The following CCDC102B variants were observed in gnomAD, a reference collection of about 807,000 sequenced individuals.
CCDC102B encodes the protein coiled-coil domain-containing protein 102B.
A neutral mutation model predicts 57.4 loss-of-function variants in CCDC102B; 75 were observed. That is an observed-to-expected ratio of 1.31 (90% CI 1.08 to 1.58). CCDC102B has a LOEUF of 1.58. Ranked by LOEUF, CCDC102B falls within the 40% of genes most tolerant of loss-of-function variation. The pLI, the probability that CCDC102B is intolerant of heterozygous loss-of-function variation, is 0.00. For missense variants in CCDC102B, 636 were observed against 582.6 expected (o/e 1.09, Z -0.94); for synonymous variants, 206 against 201.9 (o/e 1.02, Z -0.17).
chr18:68,871,858 C>T (rs1416064183), intron 4 of CCDC102B, among the ~76,000 whole-genome samples: 1 of 151,974 alleles, frequency 6.6e-6, no homozygotes, highest in African/African-American at 2.4e-5. Flanking sequence ...TTTTAAAAAG[C>T]TTTATTTGGT....
chr18:69,031,093 A>C (rs2052129399), intron 7 of CCDC102B, among the ~76,000 whole-genome samples: 1 of 152,244 alleles, frequency 6.6e-6, no homozygotes, highest in Non-Finnish European at 1.5e-5. Flanking sequence ...TTCATTAACA[A>C]AGAAGAGGTT....
downstream of CCDC102B, among the ~76,000 whole-genome samples, chr18:69,056,684 G>GATAGATAA (rs2052823413): frequency 7.4e-6 from 1 of 135,366 alleles, no homozygotes; most frequent in South Asian, 2.5e-4. Flanking sequence ...TAGATAGATA[G>GATAGATAA]GATAGAGATT....
chr18:68,965,449 A>T (rs2050144798), intron 6 of CCDC102B, among the ~76,000 whole-genome samples: 1 of 149,978 alleles, frequency 6.7e-6, no homozygotes, highest in South Asian at 2.1e-4. Flanking sequence ...TTTTTTTCTG[A>T]GAGTTTCTGT....
At chr18:69,048,006 T>C (rs1003954467) in intron 7 of CCDC102B, among the ~76,000 whole-genome samples, 26 of 152,126 alleles carry the variant, frequency 1.7e-4, no homozygotes, top group African/African-American at 6.3e-4. Context: ...TACTAAAATG[T>C]TTCTTAAATA....
intron 1 of CCDC102B, among the ~76,000 whole-genome samples, chr18:68,800,266 C>T (rs1599479731): frequency 6.6e-6 from 1 of 152,012 alleles, no homozygotes; most frequent in East Asian, 1.9e-4. Flanking sequence ...TGCTGGTATT[C>T]TAGGAATGTG....
intron 2 of CCDC102B, among the ~76,000 whole-genome samples, chr18:68,764,074 A>C (rs2034345623): frequency 6.6e-6 from 1 of 152,166 alleles, no homozygotes. Context: ...AGCTGGGCTT[A>C]GATTCAAAAT....
At position 69,055,129 on chromosome 18, in the gene CCDC102B, G is replaced by A; in HGVS notation, c.*992G>A. 1 of 982,140 alleles carries A rather than the reference G, an allele frequency of 1.0e-6. No individual in the cohort carries two copies. The highest frequency in any genetic ancestry group is 1.2e-6 in the Non-Finnish European group (1 of 827,464). 60.8% of individuals were successfully genotyped at this position (982,140 alleles called of 1,614,324 possible). Reference sequence around the variant, plus strand: ...TACTCATCTCCCCCTCCATTGATTAGCCAAAAAAAAATGAAATCTTACTAA... The same window carrying A: ...TACTCATCTCCCCCTCCATTGATTAACCAAAAAAAAATGAAATCTTACTAA... On this transcript the variant is annotated 3_prime_UTR_variant, in exon 8 of 8. Transcript: ENST00000360242.
intron 2 of CCDC102B, among the ~76,000 whole-genome samples, chr18:68,786,232 C>G (rs1440497543): frequency 6.6e-6 from 1 of 152,000 alleles, no homozygotes; most frequent in African/African-American, 2.4e-5. Flanking sequence ...GTTACTGTAG[C>G]CTTGTAGTAT....
At chr18:68,837,877 G>T (rs2037454372) in intron 2 of CCDC102B, among the ~76,000 whole-genome samples, 2 of 152,116 alleles carry the variant, frequency 1.3e-5, no homozygotes, top group Admixed American at 1.3e-4. Flanking sequence ...TTTATTGCTT[G>T]TCAAAATATT....
intron 7 of CCDC102B, among the ~76,000 whole-genome samples, chr18:69,037,927 C>G (rs553716376): frequency 1.3e-5 from 2 of 152,054 alleles, no homozygotes; most frequent in Admixed American, 6.6e-5. Context: ...TTGTAAAAGC[C>G]TTGATCACAC....
At chr18:68,911,007 T>G (rs1339263896) in intron 6 of CCDC102B, among the ~76,000 whole-genome samples, 1 of 151,778 alleles carries the variant, frequency 6.6e-6, no homozygotes. Flanking sequence ...TGAGTTCAAC[T>G]GTTGTGGAAA....
At chr18:68,952,280 G>T (rs1312933967) in intron 6 of CCDC102B, among the ~76,000 whole-genome samples, 1 of 151,768 alleles carries the variant, frequency 6.6e-6, no homozygotes, top group African/African-American at 2.4e-5. Context: ...TCAAAATGGG[G>T]TTATTCACAA....
chr18:68,982,356 C>T (rs2050610888), intron 6 of CCDC102B, among the ~76,000 whole-genome samples: 1 of 151,890 alleles, frequency 6.6e-6, no homozygotes, highest in African/African-American at 2.4e-5. Context: ...AACCAATAAT[C>T]ATCCCCACTC....
rs1341628138 is a variant in CCDC102B, at chr18:68,787,271, A to G, written c.-66-36095A>G. Among the ~76,000 whole-genome samples, 6 of 151,378 alleles carry G rather than the reference A, an allele frequency of 4.0e-5. No homozygotes were observed. The East Asian group carries it at 1.2e-3, about 29-fold the overall frequency. ...ATTTTTGCATCAATGTTCATCAAGG[A>G]TATTGGTCTAAAATTCTCTTTTTTG... On this transcript the variant is annotated intron_variant, in intron 2 of 3. Coordinates refer to the CCDC102B transcript ENST00000578970.
At chr18:69,045,476 A>G (rs959850945) in intron 7 of CCDC102B, among the ~76,000 whole-genome samples, 1 of 152,126 alleles carries the variant, frequency 6.6e-6, no homozygotes, top group Non-Finnish European at 1.5e-5. Flanking sequence ...TAATGCAAAA[A>G]CAGAAATACT....
chr18:68,794,170 T>G (rs764005815), upstream of CCDC102B, among the ~76,000 whole-genome samples: 1 of 152,148 alleles, frequency 6.6e-6, no homozygotes, highest in Non-Finnish European at 1.5e-5. Flanking sequence ...TGAGGTTGAT[T>G]AAAACTCAGA....
intron 6 of CCDC102B, among the ~76,000 whole-genome samples, chr18:68,936,806 T>C (rs11876444): frequency 0.54 from 81,364 of 150,192 alleles, 26,072 homozygotes; most frequent in Non-Finnish European, 0.69. Context: ...CATATATACA[T>C]ATATACACAC....
chr18:69,010,839 TAA>T, intron 6 of CCDC102B, 93 bp from the exon 7 acceptor site: 1 of 861,076 alleles, frequency 1.2e-6, no homozygotes, highest in South Asian at 2.6e-5. Flanking sequence ...AAATTCTTCC[TAA>T]AATGTTTTTC....
chr18:68,870,904 T>C (rs1323996788), intron 4 of CCDC102B, among the ~76,000 whole-genome samples: 3 of 152,202 alleles, frequency 2.0e-5, no homozygotes, highest in African/African-American at 7.2e-5. Context: ...TTTTTGTAAT[T>C]ATTTTTCTTT....
Sources: allele counts gnomAD v4.1 joint callset (sites outside exome capture counted in the v4.1 genomes callset), GRCh38; gene constraint gnomAD v4.1.1; transcripts MANE v1.5; gene names NCBI Gene and HGNC (gene_info 2026-07-23, HGNC 2026-07-21).